The following DLG2 variants were observed in gnomAD, a reference collection of about 807,000 sequenced individuals.
The protein encoded by DLG2 is disks large homolog 2.
DLG2 carries 45 observed loss-of-function variants against 132.5 expected under a neutral mutation model. The ratio of observed to expected loss-of-function variants is 0.34; its 90% confidence interval spans 0.27 to 0.44. The LOEUF (loss-of-function observed/expected upper bound fraction) is 0.44, where lower values mean the gene tolerates loss of function less well. Among genes scored for constraint, DLG2 ranks in the 20% least tolerant of loss-of-function variants. The probability of loss-of-function intolerance (pLI) is 1.00; values close to 1 mark genes in which losing one functional copy is unlikely to be tolerated. For synonymous variants in DLG2, 424 were observed against 419.6 expected (o/e 1.01, Z -0.13); for missense variants, 1,045 against 1,196.9 (o/e 0.87, Z 1.87).
intron 21 of DLG2, among the ~76,000 whole-genome samples, chr11:83,519,613 A>G (rs2095412202): frequency 6.6e-6 from 1 of 152,192 alleles, no homozygotes; most frequent in South Asian, 2.1e-4. Flanking sequence ...AAATTGTTCT[A>G]TTTAGCAAAA....
chr11:84,121,093 C>G (rs1406829032), intron 9 of DLG2, among the ~76,000 whole-genome samples: 2 of 152,092 alleles, frequency 1.3e-5, no homozygotes, highest in African/African-American at 4.8e-5. Context: ...TTCTCTTTAC[C>G]TGGCAATAGG....
chr11:83,498,197 A>C (rs901788473), intron 21 of DLG2, among the ~76,000 whole-genome samples: 20 of 152,106 alleles, frequency 1.3e-4, no homozygotes, highest in African/African-American at 4.8e-4. Flanking sequence ...AATATTATTT[A>C]ATCTCTGAGC....
At chr11:83,521,928 T>C (rs1298522473) in intron 21 of DLG2, among the ~76,000 whole-genome samples, 1 of 152,070 alleles carries the variant, frequency 6.6e-6, no homozygotes, top group Non-Finnish European at 1.5e-5. Flanking sequence ...AAACACAGCC[T>C]GTCACTCCTC....
At chr11:83,712,297 C>T (rs956411255) in intron 18 of DLG2, among the ~76,000 whole-genome samples, 3 of 152,046 alleles carry the variant, frequency 2.0e-5, no homozygotes, top group South Asian at 4.1e-4. Flanking sequence ...AAGAAAATGT[C>T]GTACATATAC....
chr11:84,936,481 A>T (rs2048759227), intron 6 of DLG2, among the ~76,000 whole-genome samples: 1 of 152,092 alleles, frequency 6.6e-6, no homozygotes, highest in African/African-American at 2.4e-5. Context: ...ATCATTAGTT[A>T]AATAAATAAA....
At chr11:84,438,729 C>T (rs550345046) in intron 7 of DLG2, among the ~76,000 whole-genome samples, 1 of 152,256 alleles carries the variant, frequency 6.6e-6, no homozygotes, top group East Asian at 1.9e-4. Context: ...AAGGTTTTAG[C>T]CCTTTGCCAG....
At chr11:83,583,285 T>C (rs549402314) in intron 19 of DLG2, among the ~76,000 whole-genome samples, 3 of 152,316 alleles carry the variant, frequency 2.0e-5, no homozygotes, top group African/African-American at 7.2e-5. Flanking sequence ...ACAGAGCAGG[T>C]CTCCTCCAGA....
At chr11:84,707,387 A>T (rs2059896633) in intron 6 of DLG2, among the ~76,000 whole-genome samples, 1 of 151,812 alleles carries the variant, frequency 6.6e-6, no homozygotes, top group East Asian at 1.9e-4. Context: ...ATTCTTGCTG[A>T]GTTTCCTGGC....
intron 6 of DLG2, among the ~76,000 whole-genome samples, chr11:84,585,302 A>G (rs2099526983): frequency 1.3e-5 from 2 of 152,170 alleles, no homozygotes; most frequent in African/African-American, 4.8e-5. Context: ...AGGCATGAAT[A>G]GGTTAGTAAA....
intron 6 of DLG2, among the ~76,000 whole-genome samples, chr11:85,094,769 C>T (rs543031369): frequency 2.0e-5 from 3 of 152,198 alleles, no homozygotes; most frequent in Admixed American, 2.0e-4. Flanking sequence ...CATTCATGTG[C>T]TTACTGGAGT....
chr11:85,253,548 G>A (rs772249068), intron 4 of DLG2, among the ~76,000 whole-genome samples: 2 of 152,126 alleles, frequency 1.3e-5, no homozygotes, highest in Non-Finnish European at 2.9e-5. Context: ...TACCAGCCCA[G>A]CAGCAGTATC....
intron 6 of DLG2, among the ~76,000 whole-genome samples, chr11:84,722,343 C>T (rs1596512713): frequency 6.6e-6 from 1 of 152,244 alleles, no homozygotes; most frequent in Non-Finnish European, 1.5e-5. Flanking sequence ...CCACCTATAT[C>T]CGAAACTAAT....
chr11:84,720,621 CAAGA>C (rs1355857529), intron 6 of DLG2, among the ~76,000 whole-genome samples: 1 of 151,810 alleles, frequency 6.6e-6, no homozygotes, highest in Non-Finnish European at 1.5e-5. Flanking sequence ...GGGACAGAAC[CAAGA>C]AAGAATTTTT....
At position 83,694,062 on chromosome 11, in the gene DLG2, A is replaced by G. The variant is rs558634623; in HGVS notation, c.1826-60737T>C. On this transcript the variant is annotated intron_variant, in intron 18 of 27. Coordinates refer to ENST00000376104, the MANE Select transcript of DLG2 (RefSeq NM_001142699.3). ...TTAATCTTCTTGACAAGCTTAATAC[A>G]TAAGTATTATTGGTCCACTTGAGAG... Among the ~76,000 whole-genome samples the G allele has an allele frequency of 3.3e-5, 5 of 152,290 alleles. No individual in the cohort carries two copies. The East Asian group carries it at 7.7e-4, about 24-fold the overall frequency.
intron 3 of DLG2, among the ~76,000 whole-genome samples, chr11:85,477,876 C>CAAAGAAATA (rs2093188579): frequency 6.6e-6 from 1 of 152,120 alleles, no homozygotes; most frequent in South Asian, 2.1e-4. Flanking sequence ...TTCTTTTGTT[C>CAAAGAAATA]TTTCAAAAAT....
intron 16 of DLG2, among the ~76,000 whole-genome samples, chr11:83,866,754 A>C (rs779156813): frequency 2.6e-5 from 4 of 152,172 alleles, no homozygotes; most frequent in Non-Finnish European, 5.9e-5. Flanking sequence ...GGAGTATTTA[A>C]AAAATAAACA....
At chr11:83,541,966 A>C (rs1435510944) in intron 19 of DLG2, 108 bp from the exon 20 acceptor site, 1 of 1,040,492 alleles carries the variant, frequency 9.6e-7, no homozygotes, top group Non-Finnish European at 1.3e-6. Flanking sequence ...TCATCACTTG[A>C]TATCAACTCC....
intron 6 of DLG2, among the ~76,000 whole-genome samples, chr11:84,918,521 G>C (rs995247703): frequency 2.6e-5 from 4 of 152,130 alleles, no homozygotes; most frequent in Non-Finnish European, 5.9e-5. Context: ...AATGATCGGG[G>C]CAGAGAGGGT....
At chr11:85,321,391 A>G (rs1380721802) in intron 3 of DLG2, among the ~76,000 whole-genome samples, 1 of 152,034 alleles carries the variant, frequency 6.6e-6, no homozygotes. Flanking sequence ...TTAGAGCTTA[A>G]AAGAAAACTT....
Sources: gnomAD v4.1 joint callset for allele counts (sites outside exome capture counted in the v4.1 genomes callset) on GRCh38, gnomAD v4.1.1 for gene constraint, MANE v1.5 for transcripts, NCBI Gene and HGNC (gene_info 2026-07-23, HGNC 2026-07-21) for gene names.